Variants in ACSF3 observed in about 807,000 individuals in gnomAD.
ACSF3 encodes acyl-CoA synthetase family member 3.
A neutral mutation model predicts 53.2 loss-of-function variants in ACSF3; 78 were observed. That is an observed-to-expected ratio of 1.47 (90% confidence interval 1.22 to 1.77). The LOEUF is 1.77. Ranked by LOEUF, ACSF3 falls within the 40% of genes most tolerant of loss-of-function variation. The probability of loss-of-function intolerance (pLI) is 0.00; values close to 1 mark genes in which losing one functional copy is unlikely to be tolerated. For missense variants in ACSF3, 937 were observed against 771.1 expected, an observed-to-expected ratio of 1.22 and a Z score of -2.55; for synonymous variants, 414 against 333.1, an observed-to-expected ratio of 1.24 and a Z score of -2.65.
In ACSF3 at chr16:89,098,650, G is replaced by A. The variant is rs964362215; in HGVS notation, c.-134G>A. The A allele has an allele frequency of 3.7e-5, 17 of 454,032 alleles. No individual in the cohort carries two copies. The highest frequency in any genetic ancestry group is 5.7e-5 in the Non-Finnish European group (13 of 226,810). The allele number at this position is 454,032 out of a possible 1,614,324, so 28.1% of individuals were successfully genotyped here. A position where few individuals can be genotyped will look rare whatever the true frequency, so the allele number is the denominator to read the frequency against. ...CCTGGTGCCTGCCCCAGGAGGATGA[G>A]CATTTGCATTGCCTGCACCTTATCG... On this transcript the variant is annotated 5_prime_UTR_variant, in exon 2 of 11. Transcript: ENST00000614302.
In ACSF3 at chr16:89,100,741, G is replaced by T. The variant is rs1555560476; in HGVS notation, c.60G>T (p.Arg20=). ...TGGGCTGCGCCTTGGCGTCCTGCCG[G>T]CTGGCGCCTGCGAGACACAGAGGAA... ...RRLGCALASC[R]LAPARHRGSG... The change falls in exon 3 of 11, where the codon CGG becomes CGT. Residue 20 remains arginine, a synonymous_variant. Coordinates refer to ENST00000614302, the MANE Select transcript of ACSF3 (RefSeq NM_001243279.3). 7 of 1,605,598 alleles carry T rather than the reference G, an allele frequency of 4.4e-6. No homozygotes were observed. Among genetic ancestry groups the T allele is most frequent in the Non-Finnish European group, 5.1e-6 (6 of 1,179,766 alleles).
chr16:89,127,571 TGCCCAG>T (rs772053213), intron 7 of ACSF3, among the ~76,000 whole-genome samples: 7 of 152,116 alleles, frequency 4.6e-5, no homozygotes, highest in Non-Finnish European at 7.3e-5. Context: ...CTCACTATAT[TGCCCAG>T]GCTGATCTTG....
At position 89,114,491 on chromosome 16, in the gene ACSF3, C is replaced by T. The variant is rs73254029; in HGVS notation, c.1126+4C>T. ...ACCACTGCCGTGCGCCTGCCAGGTA[C>T]GAGCACTTCCCACAGCTGCGTTCCT... On this transcript the variant is annotated splice_donor_region_variant and intron_variant, in intron 6 of 10. Coordinates refer to ENST00000614302, the MANE Select transcript of ACSF3 (RefSeq NM_001243279.3). The T allele has an allele frequency of 1.8e-3, 2,924 of 1,610,826 alleles. 45 individuals are homozygous for T. The African/African-American group carries it at 0.028, about 15-fold the overall frequency.
Position 89,132,041 on chromosome 16 carries a change from C to A in ACSF3, c.1240-1095C>A, listed in dbSNP as rs12918372. 2.0e-5 allele frequency among the ~76,000 whole-genome samples: 3 copies of A among 151,830 alleles called. No homozygotes were observed. In the South Asian group the frequency reaches 6.2e-4, roughly 32 times the overall value. ...GGCGTCAGCCCCTCCTGGAGGAGCC[C>A]AGGCTGGCGGGTTGGCAGCAGGACG... On this transcript the variant is annotated intron_variant, in intron 7 of 10. Coordinates refer to ENST00000614302, the MANE Select transcript of ACSF3 (RefSeq NM_001243279.3).
At chr16:89,114,092 C>T (rs147877582) in intron 5 of ACSF3, 2 of 569,158 alleles carry the variant, frequency 3.5e-6, no homozygotes, top group Non-Finnish European at 3.2e-6. Flanking sequence ...GCTGTTGGAC[C>T]TGCTTCCTTC....
intron 4 of ACSF3, among the ~76,000 whole-genome samples, chr16:89,103,428 G>A: frequency 6.6e-6 from 1 of 152,352 alleles, no homozygotes; most frequent in African/African-American, 2.4e-5. Context: ...GGCCGCCTGT[G>A]CCCTTGGCTC....
chr16:89,100,758 A>G lies in ACSF3; in HGVS notation c.77A>G (p.His26Arg). The G allele has an allele frequency of 6.2e-7, 1 of 1,608,426 alleles. No homozygotes were observed. The change falls in exon 3 of 11, where the codon CAC (histidine) becomes CGC (arginine). Residue 26 changes from histidine to arginine, a missense_variant. Physicochemically the swap from His to Arg is conservative, Grantham distance 29. Transcript: ENST00000614302. ...TCCTGCCGGCTGGCGCCTGCGAGACACAGAGGAAGTGGTCTTCTGCACACA... is the reference window on the plus strand; with the variant it reads ...TCCTGCCGGCTGGCGCCTGCGAGACGCAGAGGAAGTGGTCTTCTGCACACA... ...LASCRLAPAR[H>R]RGSGLLHTAP...
chr16:89,103,033 A>T (rs1288238695), intron 4 of ACSF3, among the ~76,000 whole-genome samples: 1 of 152,246 alleles, frequency 6.6e-6, no homozygotes, highest in African/African-American at 2.4e-5. Flanking sequence ...CTTAATTTAT[A>T]AGTTAGGCAC....
intron 8 of ACSF3, among the ~76,000 whole-genome samples, chr16:89,143,327 T>C (rs1567742953): frequency 6.6e-6 from 1 of 152,054 alleles, no homozygotes; most frequent in Non-Finnish European, 1.5e-5. Context: ...CTTGTCAGCC[T>C]TGGGGGCAGG....
intron 6 of ACSF3, among the ~76,000 whole-genome samples, chr16:89,117,399 G>A (rs1905314625): frequency 1.3e-5 from 2 of 152,344 alleles, no homozygotes; most frequent in South Asian, 4.1e-4. Flanking sequence ...AAGATGGACA[G>A]TGCCCCCCTA....
chr16:89,146,930 G>A (rs1913071722), intron 10 of ACSF3, among the ~76,000 whole-genome samples: 1 of 152,172 alleles, frequency 6.6e-6, no homozygotes, highest in Non-Finnish European at 1.5e-5. Flanking sequence ...GGCAGAGCCA[G>A]GCTGAGCTCA....
At chr16:89,133,099 G>A (rs1909672761) in intron 7 of ACSF3, 37 bp from the exon 8 acceptor site, 1 of 1,612,376 alleles carries the variant, frequency 6.2e-7, no homozygotes, top group Non-Finnish European at 8.5e-7. Flanking sequence ...AAGAGGGTGT[G>A]CCCAGCTCTG....
At position 89,120,926 on chromosome 16, in the gene ACSF3, G is replaced by A. The variant is rs776116035; in HGVS notation, c.1239+13G>A. On this transcript the variant is annotated intron_variant, in intron 7 of 10. Coordinates refer to ENST00000614302, the MANE Select transcript of ACSF3 (RefSeq NM_001243279.3). ...GAGGGGGACCAAGGTAAGCCACTCT[G>A]CTCTTGGCAGGTGGGCGGCCGTGTG... The A allele has an allele frequency of 5.0e-6, 8 of 1,610,542 alleles. No individual in the cohort carries two copies. The African/African-American group carries it at 1.1e-4, about 22-fold the overall frequency.
intron 6 of ACSF3, among the ~76,000 whole-genome samples, chr16:89,116,711 A>T (rs1317618611): frequency 6.6e-6 from 1 of 152,142 alleles, no homozygotes; most frequent in Admixed American, 6.5e-5. Context: ...AGTGTGAGTG[A>T]TGAGAAATAC....
intron 6 of ACSF3, among the ~76,000 whole-genome samples, chr16:89,116,584 A>G (rs1025861323): frequency 6.6e-6 from 1 of 152,180 alleles, no homozygotes; most frequent in South Asian, 2.1e-4. Flanking sequence ...GGGCCATGGC[A>G]GCGAGATCCT....
chr16:89,136,737 C>T (rs1910563685), intron 8 of ACSF3: 4 of 1,287,304 alleles, frequency 3.1e-6, no homozygotes, highest in Non-Finnish European at 4.0e-6. Flanking sequence ...GCCTCTGTGC[C>T]TACAGCCCGC....
At chr16:89,145,513 T>A (rs1912757284) in intron 9 of ACSF3, 112 bp downstream of exon 9, 7 of 1,301,600 alleles carry the variant, frequency 5.4e-6, no homozygotes, top group Non-Finnish European at 7.4e-6. Context: ...CCTGCAGGGG[T>A]CCCTGTGATG....
intron 8 of ACSF3, among the ~76,000 whole-genome samples, chr16:89,137,427 A>C: frequency 7.0e-6 from 1 of 143,118 alleles, no homozygotes; most frequent in African/African-American, 2.6e-5. Flanking sequence ...CTCACGGGGA[A>C]GGATTGAGGG....
chr16:89,136,416 C>T (rs1910477775), intron 8 of ACSF3: 2 of 926,094 alleles, frequency 2.2e-6, no homozygotes, highest in African/African-American at 1.7e-5. Context: ...AGCCGCATGT[C>T]TTTGTCACAG....
Sources: allele counts gnomAD v4.1 joint callset (sites outside exome capture counted in the v4.1 genomes callset), GRCh38; gene constraint gnomAD v4.1.1; transcripts MANE v1.5; gene names NCBI Gene and HGNC (gene_info 2026-07-23, HGNC 2026-07-21).